The following PTPRA variants were observed in gnomAD, a reference collection of about 807,000 sequenced individuals.
The protein encoded by PTPRA is protein tyrosine phosphatase receptor type A, also known as receptor-type tyrosine-protein phosphatase alpha.
Under a neutral mutation model 104.8 loss-of-function variants are expected in PTPRA, and 25 were observed. The ratio of observed to expected loss-of-function variants is 0.24; its 90% CI spans 0.17 to 0.33. The LOEUF is 0.33. Ranked by LOEUF, PTPRA falls within the 10% of genes least tolerant of loss-of-function variation. The pLI is 1.00. For missense variants in PTPRA, 765 were observed against 1,015.3 expected (o/e 0.75, Z 3.35); for synonymous variants, 323 against 368.9 (o/e 0.88, Z 1.43).
rs1229463085 is a variant in PTPRA at position 3,035,707 on chromosome 20, C to T, written c.2043C>T (p.Thr681=). ...TCCGAGACCTCCTGGTCACCAACAC[C>T]AGGGTAAGATGGGTCGTGGGTGGAC... The part of the protein sequence containing the change: ...YTVRDLLVTN[T]RENKSRQIRQ... The change falls in exon 21 of 24, where the codon ACC becomes ACT. Residue 681 remains threonine, a synonymous_variant. Transcript: ENST00000399903. The surrounding 1 kb of genome is among the most constrained non-coding windows in gnomAD (Gnocchi z 5.8). 1 of 1,614,156 alleles carries T rather than the reference C, an allele frequency of 6.2e-7. No homozygotes were observed. Among genetic ancestry groups the T allele is most frequent in the South Asian group, 1.1e-5 (1 of 91,086 alleles).
intron 11 of PTPRA, among the ~76,000 whole-genome samples, chr20:3,013,040 A>T (rs1416376082): frequency 6.6e-6 from 1 of 152,212 alleles, no homozygotes; most frequent in Non-Finnish European, 1.5e-5. Context: ...GAACATTGTC[A>T]TCCCCTCAAA....
At chr20:2,991,116 G>A (rs1195409427) in intron 9 of PTPRA, among the ~76,000 whole-genome samples, 1 of 152,162 alleles carries the variant, frequency 6.6e-6, no homozygotes, top group Non-Finnish European at 1.5e-5. Flanking sequence ...CACTTTGGGA[G>A]GCCAAGCCAG....
intron 19 of PTPRA, 67 bp from the exon 20 acceptor site, chr20:3,027,638 GTC>G (rs1413785347): frequency 8.3e-6 from 13 of 1,558,930 alleles, no homozygotes; most frequent in African/African-American, 6.8e-5. Context: ...CCTTCTAGTG[GTC>G]TGTCTTCTCC....
chr20:2,938,020 T>A (rs2060771188), intron 2 of PTPRA, among the ~76,000 whole-genome samples: 1 of 152,128 alleles, frequency 6.6e-6, no homozygotes, highest in Admixed American at 6.5e-5. Flanking sequence ...ATTCTGTAAG[T>A]TTATATCTAA....
intron 3 of PTPRA, among the ~76,000 whole-genome samples, chr20:2,961,484 T>A (rs76445305): frequency 0.012 from 1,763 of 152,338 alleles, 34 homozygotes; most frequent in African/African-American, 0.04. Context: ...ATCTGGTTGT[T>A]ATTTTTCTTG....
At chr20:2,891,414 C>T (rs1299357627) in intron 1 of PTPRA, among the ~76,000 whole-genome samples, 1 of 152,150 alleles carries the variant, frequency 6.6e-6, no homozygotes, top group East Asian at 1.9e-4. Flanking sequence ...AGCCCACTGC[C>T]GCTTGATCCT....
Position 3,035,998 on chromosome 20 carries a change from G to A in PTPRA, c.2198+57G>A. On this transcript the variant is annotated intron_variant, in intron 22 of 23. Transcript: ENST00000399903. This position sits in a 1 kb window ranked among gnomAD's most constrained non-coding sequence, Gnocchi z 5.8. ...AGAAAGCGAGGAGGGGCAGATAGGG[G>A]AAGCTGATGACCATGGGTCAGACTG... is the stretch of plus-strand genomic sequence containing the variant. 1 of 1,609,242 alleles carries A rather than the reference G, an allele frequency of 6.2e-7. No homozygotes were observed. The highest frequency in any genetic ancestry group is 8.5e-7 in the Non-Finnish European group (1 of 1,178,172).
At chr20:2,955,978 C>T (rs952447282) in intron 3 of PTPRA, among the ~76,000 whole-genome samples, 3 of 152,148 alleles carry the variant, frequency 2.0e-5, no homozygotes, top group Non-Finnish European at 4.4e-5. Context: ...ACCACATTCC[C>T]CAAAACTGGT....
chr20:2,883,272 T>C (rs1351254751), intron 1 of PTPRA, among the ~76,000 whole-genome samples: 11 of 152,126 alleles, frequency 7.2e-5, no homozygotes, highest in African/African-American at 2.4e-4. Flanking sequence ...GCAAATATCA[T>C]TTGAAAAAAT....
At chr20:3,031,962 A>T (rs971607902) in intron 20 of PTPRA, among the ~76,000 whole-genome samples, 1 of 152,140 alleles carries the variant, frequency 6.6e-6, no homozygotes, top group Admixed American at 6.5e-5. Flanking sequence ...AACAGTGCCA[A>T]ATGCTCTCAC....
chr20:2,961,014 A>G (rs1464246145), intron 3 of PTPRA, among the ~76,000 whole-genome samples: 1 of 151,986 alleles, frequency 6.6e-6, no homozygotes, highest in African/African-American at 2.4e-5. Flanking sequence ...GCCATCACTT[A>G]TTTATCCATT....
At chr20:2,892,032 G>A (rs762016228) in intron 1 of PTPRA, among the ~76,000 whole-genome samples, 1 of 152,072 alleles carries the variant, frequency 6.6e-6, no homozygotes, top group Non-Finnish European at 1.5e-5. Flanking sequence ...GCTCACACCC[G>A]TAATCCCAGC....
chr20:2,878,258 G>A (rs1054783703), intron 1 of PTPRA, among the ~76,000 whole-genome samples: 2 of 152,146 alleles, frequency 1.3e-5, no homozygotes, highest in Non-Finnish European at 2.9e-5. Context: ...CTGCCACCCT[G>A]GCTGGAGTGC....
At chr20:2,908,015 A>G (rs2059489333) in intron 1 of PTPRA, among the ~76,000 whole-genome samples, 1 of 152,186 alleles carries the variant, frequency 6.6e-6, no homozygotes, top group Non-Finnish European at 1.5e-5. Context: ...TTCTCTGGAT[A>G]CATTTCTTCA....
Position 3,038,390 on chromosome 20 carries a change from C to T in PTPRA, c.*257C>T, listed in dbSNP as rs1483504412. ...TGAAATCCTCAGCCGAGAAATTGGG[C>T]TGGATTGTGCTTTGGTTAATACATC... On this transcript the variant is annotated 3_prime_UTR_variant, in exon 24 of 24. Coordinates refer to ENST00000399903, the MANE Select transcript of PTPRA (RefSeq NM_001385305.1). 2 of 405,698 alleles carry T rather than the reference C, an allele frequency of 4.9e-6. No individual in the cohort carries two copies. The highest frequency in any genetic ancestry group is 9.0e-6 in the Non-Finnish European group (2 of 222,646). 25.1% of individuals were successfully genotyped at this position (405,698 alleles called of 1,614,324 possible).
intron 16 of PTPRA, among the ~76,000 whole-genome samples, chr20:3,023,348 G>A (rs548739262): frequency 8.2e-4 from 125 of 152,322 alleles, no homozygotes; most frequent in Non-Finnish European, 1.6e-3. Context: ...TGCTGAGGAG[G>A]ATTAGTGAAA....
At chr20:3,007,836 G>GTATATA (rs1232883366) in intron 11 of PTPRA, among the ~76,000 whole-genome samples, 4 of 150,416 alleles carry the variant, frequency 2.7e-5, no homozygotes, top group African/African-American at 9.8e-5. Context: ...GTCTGTGTGT[G>GTATATA]TGTATATATA....
chr20:2,870,627 G>A (rs540078684), upstream of PTPRA, among the ~76,000 whole-genome samples: 19 of 152,272 alleles, frequency 1.2e-4, no homozygotes, highest in East Asian at 3.9e-4. Context: ...TATTTGTTGC[G>A]AGAATGACTC....
intron 2 of PTPRA, among the ~76,000 whole-genome samples, chr20:2,937,126 T>C (rs1028761442): frequency 1.2e-5 from 1 of 83,384 alleles, no homozygotes; most frequent in African/African-American, 7.3e-5. Flanking sequence ...CCTTTCTTCT[T>C]CTTTTTTTTT....
Sources: allele counts gnomAD v4.1 joint callset (sites outside exome capture counted in the v4.1 genomes callset), GRCh38; gene constraint gnomAD v4.1.1; non-coding constraint Gnocchi (gnomAD v3.1); transcripts MANE v1.5; gene names NCBI Gene and HGNC (gene_info 2026-07-23, HGNC 2026-07-21).